Variants in CSGALNACT1 observed in about 807,000 individuals in gnomAD.
The protein encoded by CSGALNACT1 is chondroitin sulfate N-acetylgalactosaminyltransferase 1, also known as beta4GalNAcT-1.
A neutral mutation model predicts 51.0 loss-of-function variants in CSGALNACT1; 52 were observed. That is an observed-to-expected ratio of 1.02 (90% confidence interval 0.82 to 1.29). The LOEUF (loss-of-function observed/expected upper bound fraction) is 1.29, where lower values mean the gene tolerates loss of function less well. Among genes scored for constraint, CSGALNACT1 ranks in the 50% most tolerant of loss-of-function variants. The pLI is 0.00. For missense variants in CSGALNACT1, 935 were observed against 679.2 expected (o/e 1.38, Z -4.19); for synonymous variants, 341 against 254.4 (o/e 1.34, Z -3.24).
At chr8:19,616,951 C>T (rs778777674) in intron 1 of CSGALNACT1, among the ~76,000 whole-genome samples, 11 of 152,168 alleles carry the variant, frequency 7.2e-5, no homozygotes, top group African/African-American at 1.4e-4. Context: ...ACTCATTTCA[C>T]GTACTGTGCA....
chr8:19,646,047 G>A (rs909246882), intron 1 of CSGALNACT1, among the ~76,000 whole-genome samples: 2 of 152,116 alleles, frequency 1.3e-5, no homozygotes, highest in African/African-American at 4.8e-5. Context: ...AAATGAGTGA[G>A]AAATCAACAC....
chr8:19,667,978 G>C (rs2059514745), intron 1 of CSGALNACT1, among the ~76,000 whole-genome samples: 2 of 152,122 alleles, frequency 1.3e-5, no homozygotes, highest in Admixed American at 6.5e-5. Context: ...TAGTGAAGTT[G>C]AACTGAAGGA....
chr8:19,535,481 T>C (rs993071546), intron 3 of CSGALNACT1, among the ~76,000 whole-genome samples: 4 of 152,150 alleles, frequency 2.6e-5, no homozygotes, highest in Admixed American at 2.6e-4. Context: ...GACTGGAGGG[T>C]TTAGACAAAA....
chr8:19,500,780 C>T (rs1430523673), intron 4 of CSGALNACT1, among the ~76,000 whole-genome samples: 16 of 152,208 alleles, frequency 1.1e-4, no homozygotes, highest in Admixed American at 1.0e-3. Context: ...CCTCTTAGTC[C>T]ATTGTGTGCT....
At chr8:19,485,735 A>C (rs1324989365) in intron 4 of CSGALNACT1, among the ~76,000 whole-genome samples, 3 of 138,418 alleles carry the variant, frequency 2.2e-5, no homozygotes, top group Non-Finnish European at 3.1e-5. Flanking sequence ...GCACTAACTA[A>C]AGTCTCACTG....
At chr8:19,728,951 T>C (rs990893598) in intron 1 of CSGALNACT1, among the ~76,000 whole-genome samples, 1 of 152,140 alleles carries the variant, frequency 6.6e-6, no homozygotes, top group Admixed American at 6.6e-5. Flanking sequence ...TACAAATATG[T>C]TACTAAACAA....
At chr8:19,696,086 TA>T (rs1321181979) in intron 1 of CSGALNACT1, among the ~76,000 whole-genome samples, 1 of 152,206 alleles carries the variant, frequency 6.6e-6, no homozygotes, top group East Asian at 1.9e-4. Context: ...AATCGTCTTT[TA>T]AAAACAAATT....
At chr8:19,633,607 T>C (rs180790763) in intron 1 of CSGALNACT1, among the ~76,000 whole-genome samples, 182 of 152,264 alleles carry the variant, frequency 1.2e-3, no homozygotes, top group African/African-American at 4.3e-3. Context: ...AATCCCACCG[T>C]TGGAAGCTGG....
chr8:19,408,795 C>T, intron 8 of CSGALNACT1, 101 bp from the exon 8 acceptor site: 1 of 1,010,984 alleles, frequency 9.9e-7, no homozygotes. Flanking sequence ...GAGCCCATCC[C>T]ATCACTGATA....
At chr8:19,418,367 A>T (rs1032576948) in intron 8 of CSGALNACT1, among the ~76,000 whole-genome samples, 1 of 152,208 alleles carries the variant, frequency 6.6e-6, no homozygotes, top group African/African-American at 2.4e-5. Context: ...ACTGTACTGC[A>T]TCCATAATGC....
chr8:19,429,762 C>G (rs1298264598), intron 6 of CSGALNACT1, among the ~76,000 whole-genome samples: 2 of 152,208 alleles, frequency 1.3e-5, no homozygotes, highest in Non-Finnish European at 2.9e-5. Context: ...ACTGCTGAGT[C>G]AGATAATAAT....
chr8:19,540,880 G>T (rs1173408683), intron 3 of CSGALNACT1, among the ~76,000 whole-genome samples: 2 of 152,098 alleles, frequency 1.3e-5, no homozygotes, highest in Non-Finnish European at 2.9e-5. Flanking sequence ...GATGACTCAT[G>T]TGAGTCTAGG....
chr8:19,745,085 C>T (rs1047107291), intron 1 of CSGALNACT1, among the ~76,000 whole-genome samples: 2 of 152,180 alleles, frequency 1.3e-5, no homozygotes, highest in East Asian at 1.9e-4. Context: ...CTGTCATAGT[C>T]GTCTGACCCG....
chr8:19,603,474 T>C (rs2050873596), upstream of CSGALNACT1, among the ~76,000 whole-genome samples: 1 of 152,212 alleles, frequency 6.6e-6, no homozygotes, highest in Non-Finnish European at 1.5e-5. Flanking sequence ...CTTCCGCCTC[T>C]GCCTGGCCAA....
intron 1 of CSGALNACT1, among the ~76,000 whole-genome samples, chr8:19,656,790 A>G (rs2058318857): frequency 6.6e-6 from 1 of 152,216 alleles, no homozygotes; most frequent in African/African-American, 2.4e-5. Context: ...CATGTAGGCC[A>G]GATGCAGTGG....
Position 19,505,704 on chromosome 8 carries a change from G to A in CSGALNACT1, c.131C>T (p.Ala44Val), listed in dbSNP as rs1344359200. The A allele has an allele frequency of 1.2e-6, 2 of 1,614,170 alleles. No homozygotes were observed. The highest frequency in any genetic ancestry group is 2.2e-5 in the East Asian group (1 of 44,874). ...CGTGGGGCTGTTGGCCCTGGGCAGT[G>A]CCAGCTGCTCCTCGTCACCTTTTGG... The change falls in exon 4 of 10, where the codon GCA (alanine) becomes GTA (valine). Residue 44 changes from alanine to valine, a missense_variant. Coordinates refer to ENST00000454498, the Ensembl canonical transcript of CSGALNACT1.
At chr8:19,554,627 A>G (rs2089224866) in intron 3 of CSGALNACT1, among the ~76,000 whole-genome samples, 1 of 152,234 alleles carries the variant, frequency 6.6e-6, no homozygotes, top group Admixed American at 6.5e-5. Flanking sequence ...CAGAAAAGGC[A>G]GTTATATAGG....
intron 1 of CSGALNACT1, among the ~76,000 whole-genome samples, chr8:19,736,713 C>T (rs900523168): frequency 4.6e-5 from 7 of 151,782 alleles, no homozygotes; most frequent in Admixed American, 6.6e-5. Context: ...AATTACCCAG[C>T]GAACAGCACA....
At chr8:19,705,736 CA>C (rs539744610) in intron 1 of CSGALNACT1, among the ~76,000 whole-genome samples, 4 of 148,120 alleles carry the variant, frequency 2.7e-5, no homozygotes, top group African/African-American at 5.0e-5. Context: ...GACCCAGTCT[CA>C]AAAAAAAATC....
Sources: gnomAD v4.1 joint callset for allele counts (sites outside exome capture counted in the v4.1 genomes callset) on GRCh38, gnomAD v4.1.1 for gene constraint, MANE v1.5 for transcripts, NCBI Gene and HGNC (gene_info 2026-07-23, HGNC 2026-07-21) for gene names.